The following AOPEP variants were observed in gnomAD, a reference collection of about 807,000 sequenced individuals.
AOPEP encodes the protein aminopeptidase O (putative).
Under a neutral mutation model 98.1 loss-of-function variants are expected in AOPEP, and 77 were observed. The observed-to-expected ratio is 0.78, with a 90% CI of 0.65 to 0.95. AOPEP has a LOEUF of 0.95. Among genes scored for constraint, AOPEP ranks in the 40% least tolerant of loss-of-function variants. AOPEP has a pLI of 0.00. For synonymous variants in AOPEP, 346 were observed against 365.3 expected, an observed-to-expected ratio of 0.95 and a Z score of 0.60; for missense variants, 1,024 against 1,024.7, an observed-to-expected ratio of 1.00 and a Z score of 0.01.
chr9:94,983,106 C>CA (rs1430898582), intron 11 of AOPEP, among the ~76,000 whole-genome samples: 1 of 152,182 alleles, frequency 6.6e-6, no homozygotes, highest in East Asian at 1.9e-4. Flanking sequence ...TGGCTCACTG[C>CA]AACCTCCACC....
At chr9:95,092,990 C>G in the AOPEP span, among the ~76,000 whole-genome samples, 2 of 152,176 alleles carry the variant, frequency 1.3e-5, no homozygotes, top group Admixed American at 1.3e-4. Flanking sequence ...TCAGGAAGAA[C>G]ATGAATTACG....
chr9:94,799,644 C>CTTGAGGTCAGG (rs1343609513), intron 4 of AOPEP, among the ~76,000 whole-genome samples: 1 of 152,046 alleles, frequency 6.6e-6, no homozygotes, highest in African/African-American at 2.4e-5. Context: ...GGGTGGATCA[C>CTTGAGGTCAGG]TTGAGGTCAG....
the AOPEP span, among the ~76,000 whole-genome samples, chr9:95,120,480 T>C: frequency 6.6e-6 from 1 of 151,930 alleles, no homozygotes; most frequent in Non-Finnish European, 1.5e-5. Flanking sequence ...AGTGGTGTGA[T>C]CATGGCTCAC....
At chr9:94,755,736 T>C (rs1367535102) in intron 1 of AOPEP, among the ~76,000 whole-genome samples, 1 of 152,086 alleles carries the variant, frequency 6.6e-6, no homozygotes, top group Non-Finnish European at 1.5e-5. Context: ...ACCTGGGAGA[T>C]GAGAATTCCA....
chr9:95,122,255 A>G, the AOPEP span, among the ~76,000 whole-genome samples: 2 of 152,164 alleles, frequency 1.3e-5, no homozygotes, highest in South Asian at 2.1e-4. Context: ...GTTTACAGAT[A>G]CTCATTTTAT....
intron 5 of AOPEP, among the ~76,000 whole-genome samples, chr9:94,877,582 G>A (rs1340333774): frequency 6.6e-6 from 1 of 151,868 alleles, no homozygotes; most frequent in Non-Finnish European, 1.5e-5. Flanking sequence ...CACCATACCT[G>A]GCTAACTTTT....
intron 5 of AOPEP, among the ~76,000 whole-genome samples, chr9:94,903,794 T>C (rs1339761805): frequency 2.1e-5 from 3 of 145,746 alleles, no homozygotes; most frequent in African/African-American, 7.7e-5. Flanking sequence ...CCAGGGAGGC[T>C]AAGACAGGAG....
chr9:95,092,684 G>T, the AOPEP span, among the ~76,000 whole-genome samples: 1 of 152,210 alleles, frequency 6.6e-6, no homozygotes, highest in Non-Finnish European at 1.5e-5. Context: ...TGTGGGTGGG[G>T]TGCTGAAGCT....
chr9:95,133,310 C>T, the AOPEP span, among the ~76,000 whole-genome samples: 3 of 152,362 alleles, frequency 2.0e-5, no homozygotes, highest in Admixed American at 2.0e-4. Flanking sequence ...AACCATGAGG[C>T]ACAGAGAGGT....
chr9:94,751,027 G>A (rs764771908), intron 1 of AOPEP, among the ~76,000 whole-genome samples: 2 of 152,098 alleles, frequency 1.3e-5, no homozygotes, highest in Non-Finnish European at 2.9e-5. Flanking sequence ...GATTACAGGT[G>A]TGAGCCACCG....
chr9:95,108,909 CTT>C, the AOPEP span, among the ~76,000 whole-genome samples: 58 of 144,272 alleles, frequency 4.0e-4, no homozygotes, highest in Admixed American at 4.9e-4. Context: ...TCTTCAAGAC[CTT>C]TTTTTTTTTT....
intron 1 of AOPEP, among the ~76,000 whole-genome samples, chr9:94,731,913 T>C (rs1830646185): frequency 6.6e-6 from 1 of 150,642 alleles, no homozygotes; most frequent in African/African-American, 2.5e-5. Context: ...GCCTCCCAAG[T>C]AGCTGGGATT....
At chr9:94,894,049 AAATT>A (rs1429230223) in intron 5 of AOPEP, among the ~76,000 whole-genome samples, 2 of 152,212 alleles carry the variant, frequency 1.3e-5, no homozygotes, top group African/African-American at 2.4e-5. Flanking sequence ...GTCAAAGAAT[AAATT>A]AACCCCAAAA....
At chr9:95,135,360 T>C in the AOPEP span, 1 of 1,614,104 alleles carries the variant, frequency 6.2e-7, no homozygotes, top group Non-Finnish European at 8.5e-7. Context: ...GATGAATCTT[T>C]TATAAAGCAT....
At chr9:94,938,169 G>A (rs971384494) in intron 7 of AOPEP, among the ~76,000 whole-genome samples, 2 of 152,190 alleles carry the variant, frequency 1.3e-5, no homozygotes, top group South Asian at 2.1e-4. Flanking sequence ...GACCGCGCCC[G>A]GCCAAAAACA....
intron 13 of AOPEP, among the ~76,000 whole-genome samples, chr9:95,039,942 TC>T (rs1485332044): frequency 6.6e-6 from 1 of 152,220 alleles, no homozygotes; most frequent in Non-Finnish European, 1.5e-5. Flanking sequence ...TGTTTCCTTT[TC>T]CCACAGAACT....
At chr9:94,874,336 A>C (rs180728616) in intron 5 of AOPEP, among the ~76,000 whole-genome samples, 4 of 152,218 alleles carry the variant, frequency 2.6e-5, no homozygotes, top group African/African-American at 9.6e-5. Context: ...TTTAAAGAGA[A>C]AGTTGGTTAC....
At chr9:95,125,090 T>C in the AOPEP span, 11 of 1,613,448 alleles carry the variant, frequency 6.8e-6, no homozygotes, top group South Asian at 1.1e-4. Flanking sequence ...ACAAACCTGC[T>C]TGCTTGCTTT....
rs1239576341 is a variant in AOPEP, at chr9:94,980,190, C to T, written c.1977+763C>T. ...GACCATTGGACAGCCCAGGCCCCTTCGCCAAATCAAATGCTGGCCATGGCA... is the reference window on the plus strand; with the variant it reads ...GACCATTGGACAGCCCAGGCCCCTTTGCCAAATCAAATGCTGGCCATGGCA... On this transcript the variant is annotated intron_variant, in intron 11 of 16. Transcript: ENST00000375315. The surrounding 1 kb of genome is among the most constrained non-coding windows in gnomAD (Gnocchi z 4.3). Among the ~76,000 whole-genome samples the T allele has an allele frequency of 6.6e-6, 1 of 152,246 alleles. No individual in the cohort carries two copies. The highest frequency in any genetic ancestry group is 1.5e-5 in the Non-Finnish European group (1 of 68,042).
Sources: gnomAD v4.1 joint callset for allele counts (sites outside exome capture counted in the v4.1 genomes callset) on GRCh38, gnomAD v4.1.1 for gene constraint, Gnocchi (gnomAD v3.1) non-coding constraint, MANE v1.5 for transcripts, NCBI Gene and HGNC (gene_info 2026-07-23, HGNC 2026-07-21) for gene names.